Variants in ADGRE2 observed in about 807,000 individuals in gnomAD.
The protein encoded by ADGRE2 is adhesion G protein-coupled receptor E2.
A neutral mutation model predicts 100.8 loss-of-function variants in ADGRE2; 83 were observed. The observed-to-expected ratio is 0.82, with a 90% CI of 0.69 to 0.99. The LOEUF (loss-of-function observed/expected upper bound fraction) is 0.99. ADGRE2 is among the 50% of genes least tolerant of loss of function. ADGRE2 has a pLI of 0.00. For missense variants in ADGRE2, 814 were observed against 1,035.7 expected, an observed-to-expected ratio of 0.79 and a Z score of 2.94; for synonymous variants, 355 against 413.0, an observed-to-expected ratio of 0.86 and a Z score of 1.70.
In ADGRE2 at chr19:14,732,652, TA is replaced by T. The variant is rs2042683048; in HGVS notation, c.*3583del. 6.6e-6 allele frequency: 1 copy of T among 152,148 alleles called. No individual in the cohort carries two copies. The highest frequency in any genetic ancestry group is 6.6e-5 in the Admixed American group (1 of 15,266). The allele number at this position is 152,148 out of a possible 1,614,324, so 9.4% of individuals were successfully genotyped here. On this transcript the variant is annotated 3_prime_UTR_variant, in exon 21 of 21. Transcript: ENST00000315576. ...CATTTTTCAAATGGGTGAAAACAAA[TA>T]AAAAGAAGAATGATATTTTGTGTCA...
intron 10 of ADGRE2, 63 bp downstream of exon 10, chr19:14,765,257 C>G: frequency 6.3e-7 from 1 of 1,589,220 alleles, no homozygotes; most frequent in Non-Finnish European, 8.6e-7. Context: ...CAAACTGCCC[C>G]AGGCCTCTGT....
rs749809162 is a variant in ADGRE2 at position 14,773,954 on chromosome 19, G to C, written c.183C>G (p.Pro61=). Residue 61 remains proline, a synonymous_variant, in exon 4 of 21, where the codon CCC becomes CCG. Transcript: ENST00000315576. The stretch of plus-strand genomic sequence containing the variant: ...CCTCTGTACCGTCACAAGTCTCCAT[G>C]GGGGTGGTGATGATCTCAGAAAAAG... ...FSSFSEIITT[P]METCDDINEC... 131 of 1,613,660 alleles carry C rather than the reference G, an allele frequency of 8.1e-5. No individual in the cohort carries two copies. The highest frequency in any genetic ancestry group is 1.3e-4 in the East Asian group (6 of 44,892).
chr19:14,741,013 G>T (rs558939377), intron 20 of ADGRE2, among the ~76,000 whole-genome samples: 1 of 151,788 alleles, frequency 6.6e-6, no homozygotes, highest in East Asian at 1.9e-4. Context: ...CTACAGGCAT[G>T]TGCCACCACG....
chr19:14,773,080 C>CAAA (rs35688921), intron 4 of ADGRE2, among the ~76,000 whole-genome samples: 55 of 45,742 alleles, frequency 1.2e-3, no homozygotes, highest in South Asian at 3.0e-3. Flanking sequence ...GACTCCATCT[C>CAAA]AAAAAAAAAA....
At chr19:14,754,114 C>T (rs1237251111) in intron 14 of ADGRE2, among the ~76,000 whole-genome samples, 6 of 149,010 alleles carry the variant, frequency 4.0e-5, no homozygotes, top group Non-Finnish European at 8.9e-5. Context: ...CCTAGCCTCC[C>T]AGCCTACATC....
At chr19:14,771,269 G>C (rs1458320586) in intron 5 of ADGRE2, among the ~76,000 whole-genome samples, 2 of 152,114 alleles carry the variant, frequency 1.3e-5, no homozygotes, top group East Asian at 3.9e-4. Flanking sequence ...TGTCCCCTGG[G>C]ACCCTTGGCT....
At chr19:14,764,027 C>T (rs982087684) in intron 11 of ADGRE2, among the ~76,000 whole-genome samples, 1 of 151,248 alleles carries the variant, frequency 6.6e-6, no homozygotes, top group African/African-American at 2.4e-5. Flanking sequence ...TTCACCTCCT[C>T]CTCCTTCTCT....
rs1251641528 is a variant in ADGRE2 at position 14,749,729 on chromosome 19, GTAAT to G, written c.2024+1703_2024+1706del. Among the ~76,000 whole-genome samples, 60 of 86,070 alleles carry G rather than the reference GTAAT, an allele frequency of 7.0e-4. 1 individual carries two copies. The East Asian group carries it at 0.018, about 25-fold the overall frequency. 56.5% of individuals were successfully genotyped at this position (86,070 alleles called of 152,430 possible). A position where few individuals can be genotyped will look rare whatever the true frequency, so the allele number is the denominator to read the frequency against. On this transcript the variant is annotated intron_variant, in intron 16 of 20. Transcript: ENST00000315576. ...ACATAATTATTTATAGCTATGTTAT[GTAAT>G]TATTCATAGTTACATAATTATTTAT...
chr19:14,747,266 C>G (rs577242889), intron 16 of ADGRE2, among the ~76,000 whole-genome samples: 1 of 152,030 alleles, frequency 6.6e-6, no homozygotes, highest in South Asian at 2.1e-4. Context: ...TTTGGGAGGC[C>G]GAGGTGGGAG....
intron 6 of ADGRE2, 107 bp downstream of exon 6, chr19:14,766,871 T>C (rs2044001222): frequency 7.6e-7 from 1 of 1,312,332 alleles, no homozygotes; most frequent in Non-Finnish European, 1.1e-6. Context: ...CTTGACCTTG[T>C]GGGAACCTGC....
At chr19:14,743,215 G>T (rs2042981467) in intron 20 of ADGRE2, among the ~76,000 whole-genome samples, 1 of 152,104 alleles carries the variant, frequency 6.6e-6, no homozygotes, top group Admixed American at 6.6e-5. Flanking sequence ...TGGGATGACA[G>T]TGATGCTGGG....
intron 16 of ADGRE2, among the ~76,000 whole-genome samples, chr19:14,747,406 G>A (rs1004164587): frequency 2.2e-4 from 34 of 152,096 alleles, no homozygotes; most frequent in African/African-American, 7.7e-4. Context: ...AGACTGAGGT[G>A]GGAGGATCGC....
chr19:14,742,926 AT>A (rs561466290), intron 20 of ADGRE2, among the ~76,000 whole-genome samples: 548 of 145,186 alleles, frequency 3.8e-3, no homozygotes, highest in East Asian at 7.0e-3. Context: ...AGAGCCAAGG[AT>A]TTTTTTTTTT....
At chr19:14,724,536 C>T in the ADGRE2 span, among the ~76,000 whole-genome samples, 9 of 152,246 alleles carry the variant, frequency 5.9e-5, no homozygotes, top group South Asian at 4.1e-4. Context: ...GAGGCCGAGG[C>T]GGGTGGATCA....
At chr19:14,728,871 A>G (rs2042649820), downstream of ADGRE2, among the ~76,000 whole-genome samples, 1 of 152,206 alleles carries the variant, frequency 6.6e-6, no homozygotes, top group African/African-American at 2.4e-5. Context: ...GGGGGGTTTT[A>G]TATCCTTAAC....
At chr19:14,742,012 G>T in intron 20 of ADGRE2, 1 of 398,408 alleles carries the variant, frequency 2.5e-6, no homozygotes, top group Non-Finnish European at 4.4e-6. Context: ...TCCCCAAGTT[G>T]TCCCGGGCTC....
At position 14,777,135 on chromosome 19, in the gene ADGRE2, A is replaced by AG. The variant is rs1418218729; in HGVS notation, c.-171-209dup. On this transcript the variant is annotated intron_variant, in intron 1 of 20. Coordinates refer to ENST00000315576, the MANE Select transcript of ADGRE2 (RefSeq NM_013447.4). ...GTGTGTTCCAGGCTGGCTGCTGTGC[A>AG]GGGGAAGGTGTGGCAGCCGGGCGGG... The AG allele has an allele frequency of 3.1e-6, 3 of 981,514 alleles. No individual in the cohort carries two copies. In the African/African-American group the frequency reaches 5.3e-5, roughly 17 times the overall value. 60.8% of individuals were successfully genotyped at this position (981,514 alleles called of 1,614,324 possible). A position where few individuals can be genotyped will look rare whatever the true frequency, so the allele number is the denominator to read the frequency against.
chr19:14,741,031 A>G (rs1297835915), intron 20 of ADGRE2, among the ~76,000 whole-genome samples: 1 of 151,124 alleles, frequency 6.6e-6, no homozygotes, highest in African/African-American at 2.4e-5. Flanking sequence ...ACGCCCAGCG[A>G]ATTTTTAAAA....
At chr19:14,754,846 A>T in intron 14 of ADGRE2, 108 bp downstream of exon 14, 1 of 1,264,820 alleles carries the variant, frequency 7.9e-7, no homozygotes, top group Admixed American at 2.2e-5. Context: ...CAGCTTGCTG[A>T]CCCAGAGCTG....
Sources: gnomAD v4.1 joint callset for allele counts (sites outside exome capture counted in the v4.1 genomes callset) on GRCh38, gnomAD v4.1.1 for gene constraint, MANE v1.5 for transcripts, NCBI Gene and HGNC (gene_info 2026-07-23, HGNC 2026-07-21) for gene names.